Variants in GMDS observed in about 807,000 individuals in gnomAD.
GMDS encodes GDP-mannose 4,6 dehydratase.
A neutral mutation model predicts 49.9 loss-of-function variants in GMDS; 20 were observed. The observed-to-expected ratio is 0.40, with a 90% CI of 0.28 to 0.58. The LOEUF (loss-of-function observed/expected upper bound fraction) is 0.58, where lower values mean the gene tolerates loss of function less well. Ranked by LOEUF, GMDS falls within the 20% of genes least tolerant of loss-of-function variation. GMDS has a pLI of 0.42. For synonymous variants in GMDS, 177 were observed against 178.6 expected (o/e 0.99, Z 0.07); for missense variants, 362 against 481.4 (o/e 0.75, Z 2.32).
intron 1 of GMDS, among the ~76,000 whole-genome samples, chr6:2,233,208 C>T (rs1004421369): frequency 6.6e-6 from 1 of 152,174 alleles, no homozygotes; most frequent in Non-Finnish European, 1.5e-5. Flanking sequence ...CTTTTGTTCT[C>T]TCTCCTCTCC....
chr6:2,209,865 G>A (rs1228654001), intron 1 of GMDS, among the ~76,000 whole-genome samples: 5 of 152,048 alleles, frequency 3.3e-5, no homozygotes, highest in Non-Finnish European at 7.4e-5. Flanking sequence ...GGCTAACAGA[G>A]CCCAGCTCAC....
At chr6:2,208,185 G>A (rs748523078) in intron 1 of GMDS, among the ~76,000 whole-genome samples, 1 of 152,148 alleles carries the variant, frequency 6.6e-6, no homozygotes, top group Non-Finnish European at 1.5e-5. Flanking sequence ...GATAATCAAT[G>A]ACCTAGGTAG....
chr6:1,806,092 A>C (rs187581210), intron 7 of GMDS, among the ~76,000 whole-genome samples: 2 of 152,276 alleles, frequency 1.3e-5, no homozygotes, highest in Admixed American at 1.3e-4. Context: ...CAGCCTGGGC[A>C]ACATAGTGAG....
intron 1 of GMDS, among the ~76,000 whole-genome samples, chr6:2,201,851 C>G (rs1779552097): frequency 7.5e-6 from 1 of 132,898 alleles, no homozygotes; most frequent in African/African-American, 2.9e-5. Flanking sequence ...GAGAGAGCAC[C>G]ACATGGGCAT....
intron 7 of GMDS, among the ~76,000 whole-genome samples, chr6:1,914,605 G>C (rs1037976027): frequency 1.3e-4 from 20 of 152,186 alleles, no homozygotes; most frequent in African/African-American, 4.8e-4. Context: ...AGGGTGACAA[G>C]TGACACCTGA....
At chr6:1,764,504 C>G (rs189955146) in intron 7 of GMDS, among the ~76,000 whole-genome samples, 3 of 152,292 alleles carry the variant, frequency 2.0e-5, no homozygotes, top group African/African-American at 7.2e-5. Context: ...GATTTTCTTA[C>G]ACAGGTTATA....
At chr6:1,792,632 G>A (rs1769588824) in intron 7 of GMDS, among the ~76,000 whole-genome samples, 1 of 152,152 alleles carries the variant, frequency 6.6e-6, no homozygotes, top group Admixed American at 6.5e-5. Flanking sequence ...AAAGTACATG[G>A]AGGATAATTA....
At chr6:1,643,496 C>T (rs1174055618) in intron 9 of GMDS, among the ~76,000 whole-genome samples, 2 of 152,096 alleles carry the variant, frequency 1.3e-5, no homozygotes, top group Non-Finnish European at 2.9e-5. Flanking sequence ...CTTCGAGAGT[C>T]CTTTTAGTAG....
chr6:1,659,837 A>G (rs976762439), intron 9 of GMDS, among the ~76,000 whole-genome samples: 1 of 151,866 alleles, frequency 6.6e-6, no homozygotes, highest in South Asian at 2.1e-4. Context: ...TAAAAAGATG[A>G]TCATAATTGT....
At chr6:1,811,421 G>A (rs2113681126) in intron 7 of GMDS, among the ~76,000 whole-genome samples, 1 of 152,204 alleles carries the variant, frequency 6.6e-6, no homozygotes, top group East Asian at 1.9e-4. Flanking sequence ...TCACAGAGTA[G>A]GTGATTAAAA....
At chr6:2,093,534 G>A (rs1773435008) in intron 4 of GMDS, among the ~76,000 whole-genome samples, 1 of 152,006 alleles carries the variant, frequency 6.6e-6, no homozygotes, top group African/African-American at 2.4e-5. Context: ...CCAAACAAAT[G>A]AGAAAAATGC....
intron 4 of GMDS, among the ~76,000 whole-genome samples, chr6:2,058,164 T>C (rs1770888096): frequency 6.6e-6 from 1 of 152,074 alleles, no homozygotes; most frequent in Non-Finnish European, 1.5e-5. Flanking sequence ...CCGAGACCAT[T>C]CTGGCCAACA....
At chr6:2,151,877 ATTAAAATTAGATATAACTATTATTT>A (rs1485879647) in intron 1 of GMDS, among the ~76,000 whole-genome samples, 1 of 152,140 alleles carries the variant, frequency 6.6e-6, no homozygotes, top group Non-Finnish European at 1.5e-5. Flanking sequence ...CTTATGACAA[ATTAAAATTAGATATAACTATTATTT>A]TTAAATGTAC....
chr6:2,037,559 T>C (rs1769376054), intron 4 of GMDS, among the ~76,000 whole-genome samples: 1 of 152,212 alleles, frequency 6.6e-6, no homozygotes, highest in Non-Finnish European at 1.5e-5. Flanking sequence ...AGTACAATCC[T>C]ATCTTGTGCC....
rs146742960 is a variant in GMDS at position 2,063,063 on chromosome 6, T to G, written c.345+52708A>C. Among the ~76,000 whole-genome samples the G allele has an allele frequency of 3.6e-3, 549 of 152,340 alleles. 3 individuals carry two copies. The highest frequency in any genetic ancestry group is 0.012 in the African/African-American group (510 of 41,580). Reference sequence around the variant, plus strand: ...GCTATGATGAGCCAGAGATACAAATTGTGGCACACAAGCCCAGGACAAGGT... The same window carrying G: ...GCTATGATGAGCCAGAGATACAAATGGTGGCACACAAGCCCAGGACAAGGT... On this transcript the variant is annotated intron_variant, in intron 4 of 10. Transcript: ENST00000380815.
At chr6:2,183,770 C>T (rs1026643931) in intron 1 of GMDS, among the ~76,000 whole-genome samples, 1 of 152,146 alleles carries the variant, frequency 6.6e-6, no homozygotes. Context: ...GCCACCCCAA[C>T]CTTCAGCAAC....
At chr6:1,781,314 C>T (rs1295173156) in intron 7 of GMDS, among the ~76,000 whole-genome samples, 1 of 152,176 alleles carries the variant, frequency 6.6e-6, no homozygotes, top group East Asian at 1.9e-4. Flanking sequence ...GGCTGTGTTC[C>T]TGCTGCTGCT....
At position 1,836,024 on chromosome 6, in the gene GMDS, C is replaced by A. The variant is rs1479638055; in HGVS notation, c.772-93438G>T. On this transcript the variant is annotated intron_variant, in intron 7 of 10. Transcript: ENST00000380815. This position sits in a 1 kb window ranked among gnomAD's most constrained non-coding sequence, Gnocchi z 4.2. The stretch of plus-strand genomic sequence containing the variant: ...CTGTGACTACAGGTGCCCACCACCA[C>A]GCCTGGCTAATTTTTTGGATTTTTA... Among the ~76,000 whole-genome samples, 1 of 152,218 alleles carries A rather than the reference C, an allele frequency of 6.6e-6. No homozygotes were observed. The highest frequency in any genetic ancestry group is 2.4e-5 in the African/African-American group (1 of 41,554).
chr6:1,730,337 A>G (rs982078424), intron 8 of GMDS, among the ~76,000 whole-genome samples: 1 of 152,238 alleles, frequency 6.6e-6, no homozygotes, highest in Admixed American at 6.5e-5. Context: ...GAAGCTGGAA[A>G]GCAGATGGAT....
Sources: allele counts gnomAD v4.1 joint callset (sites outside exome capture counted in the v4.1 genomes callset), GRCh38; gene constraint gnomAD v4.1.1; non-coding constraint Gnocchi (gnomAD v3.1); transcripts MANE v1.5; gene names NCBI Gene and HGNC (gene_info 2026-07-23, HGNC 2026-07-21).